ANKRD36C: variants seen among roughly 807,000 people sequenced by gnomAD.
The protein encoded by ANKRD36C is ankyrin repeat domain 36C, also known as ankyrin repeat domain-containing protein 36C.
In ANKRD36C, 61 loss-of-function variants were observed where a neutral mutation model predicts 276.4. The observed-to-expected ratio is 0.22, with a 90% CI of 0.18 to 0.27. The LOEUF (loss-of-function observed/expected upper bound fraction) is 0.27, where lower values mean the gene tolerates loss of function less well. ANKRD36C is among the 10% of genes least tolerant of loss of function. The pLI is 1.00. For synonymous variants in ANKRD36C, 483 were observed against 680.1 expected, an observed-to-expected ratio of 0.71 and a Z score of 4.51; for missense variants, 1,447 against 2,032.3, an observed-to-expected ratio of 0.71 and a Z score of 5.54.
intron 6 of ANKRD36C, among the ~76,000 whole-genome samples, chr2:95,970,953 G>A (rs1393692123): frequency 1.3e-5 from 2 of 152,022 alleles, no homozygotes; most frequent in African/African-American, 2.4e-5. Flanking sequence ...TGTGGCAAAT[G>A]TCTATATAAA....
At chr2:95,879,907 ATGG>A (rs1558624842) in intron 58 of ANKRD36C, among the ~76,000 whole-genome samples, 3 of 144,186 alleles carry the variant, frequency 2.1e-5, no homozygotes, top group African/African-American at 7.8e-5. Flanking sequence ...TAGGCCAGGC[ATGG>A]TGGTTCACAC....
Position 95,962,673 on chromosome 2 carries a change from A to G in ANKRD36C, c.800-126T>C, listed in dbSNP as rs1482158587. 6 of 1,265,222 alleles carry G rather than the reference A, an allele frequency of 4.7e-6. No individual in the cohort carries two copies. In the Admixed American group the frequency reaches 9.4e-5, roughly 20 times the overall value. 78.4% of individuals were successfully genotyped at this position (1,265,222 alleles called of 1,614,324 possible). Reference sequence around the variant, plus strand: ...ATTAGTTTAGGTTTTTATGTTTTATACTTTGTGTCTTGGGACTGGAACATG... The same window carrying G: ...ATTAGTTTAGGTTTTTATGTTTTATGCTTTGTGTCTTGGGACTGGAACATG... On this transcript the variant is annotated intron_variant, in intron 6 of 66. Coordinates refer to ENST00000456556, the Ensembl canonical transcript of ANKRD36C.
At chr2:95,957,325 T>TCATCATGCTCTTTGACTTGCCTGACAA (rs1678350886) in intron 12 of ANKRD36C, among the ~76,000 whole-genome samples, 1 of 152,308 alleles carries the variant, frequency 6.6e-6, no homozygotes, top group African/African-American at 2.4e-5. Flanking sequence ...CTACAAATAT[T>TCATCATGCTCTTTGACTTGCCTGACAA]CATCATGCTC....
intron 36 of ANKRD36C, 59 bp from the exon 39 acceptor site, chr2:95,916,230 C>T: frequency 6.3e-7 from 1 of 1,595,836 alleles, no homozygotes; most frequent in East Asian, 2.3e-5. Context: ...GTTATCCATA[C>T]ATTCACACAG....
chr2:95,858,283 T>C (rs1675472158), intron 61 of ANKRD36C, among the ~76,000 whole-genome samples: 1 of 152,214 alleles, frequency 6.6e-6, no homozygotes, highest in Non-Finnish European at 1.5e-5. Context: ...TTGTTGATAT[T>C]AGAAAATAAA....
chr2:95,921,738 A>G, intron 33 of ANKRD36C, 44 bp downstream of exon 33: 1 of 1,593,896 alleles, frequency 6.3e-7, no homozygotes, highest in Non-Finnish European at 8.5e-7. Flanking sequence ...TGTTTCATAG[A>G]CTATAGATTC....
At chr2:95,970,196 G>A (rs1236559121) in intron 6 of ANKRD36C, among the ~76,000 whole-genome samples, 1 of 152,162 alleles carries the variant, frequency 6.6e-6, no homozygotes, top group Non-Finnish European at 1.5e-5. Flanking sequence ...CTTTTCAGCT[G>A]CCAATGCAGA....
chr2:95,908,797 T>C lies in ANKRD36C; in HGVS notation c.2653+3447A>G, dbSNP rs533943593. On this transcript the variant is annotated intron_variant, in intron 42 of 66. Coordinates refer to ENST00000456556, the Ensembl canonical transcript of ANKRD36C. The stretch of plus-strand genomic sequence containing the variant: ...GCATCAACCTCTGTCCTCCTGCCTG[T>C]ATTAGCGTAGGCTTTGATGGCTTCT... 123 of 1,517,732 alleles carry C rather than the reference T, an allele frequency of 8.1e-5. 3 individuals are homozygous for C. The highest frequency in any genetic ancestry group is 2.6e-4 in the African/African-American group (19 of 72,056). The allele number at this position is 1,517,732 out of a possible 1,614,324, so 94.0% of individuals were successfully genotyped here.
In ANKRD36C at chr2:95,853,146, A is replaced by G. The variant is rs936656133; in HGVS notation, c.5148+563T>C. ...GAGACAGAGTGTGCTCTCTGAGCCCAATACAAAAGGAGTAACGATTTTCAT... is the reference window on the plus strand; with the variant it reads ...GAGACAGAGTGTGCTCTCTGAGCCCGATACAAAAGGAGTAACGATTTTCAT... On this transcript the variant is annotated intron_variant, in intron 64 of 66. Transcript: ENST00000456556. The G allele has an allele frequency of 2.6e-5, 4 of 153,794 alleles. No homozygotes were observed. In the Admixed American group the frequency reaches 2.6e-4, roughly 10 times the overall value. 9.5% of individuals were successfully genotyped at this position (153,794 alleles called of 1,614,324 possible).
Position 95,978,203 on chromosome 2 carries a change from T to C in ANKRD36C, c.732-14A>G, listed in dbSNP as rs1678852301. ...AGTTCAAAAATGCTATGCATAAAAA[T>C]AAATGAAATTAATATTTTAATACTA... On this transcript the variant is annotated splice_polypyrimidine_tract_variant and intron_variant, in intron 5 of 66. Transcript: ENST00000456556. 1 of 825,476 alleles carries C rather than the reference T, an allele frequency of 1.2e-6. No homozygotes were observed. Among genetic ancestry groups the C allele is most frequent in the Non-Finnish European group, 1.9e-6 (1 of 535,216 alleles). 51.1% of individuals were successfully genotyped at this position (825,476 alleles called of 1,614,324 possible). A position where few individuals can be genotyped will look rare whatever the true frequency, so the allele number is the denominator to read the frequency against.
In ANKRD36C at chr2:95,928,897, A is replaced by T. The variant is rs552130873; in HGVS notation, c.1837+175T>A. ...AGTCTACAATCTTACTACTCAGATCATGACCAAGGACCAGCAGCATCAGGG... is the reference window on the plus strand; with the variant it reads ...AGTCTACAATCTTACTACTCAGATCTTGACCAAGGACCAGCAGCATCAGGG... On this transcript the variant is annotated intron_variant, in intron 26 of 66. Transcript: ENST00000456556. Among the ~76,000 whole-genome samples, 27 of 151,612 alleles carry T rather than the reference A, an allele frequency of 1.8e-4. No homozygotes were observed. In the East Asian group the frequency reaches 4.9e-3, roughly 27 times the overall value.
intron 8 of ANKRD36C, among the ~76,000 whole-genome samples, chr2:95,961,919 C>G (rs1243584117): frequency 6.6e-6 from 1 of 151,978 alleles, no homozygotes; most frequent in Non-Finnish European, 1.5e-5. Context: ...AAAATAATTA[C>G]CACATCAGAG....
At chr2:95,991,315 A>G (rs1182560467) in intron 1 of ANKRD36C, among the ~76,000 whole-genome samples, 197 bp downstream of exon 1, 1 of 47,982 alleles carries the variant, frequency 2.1e-5, no homozygotes, top group Admixed American at 2.4e-4. Context: ...CCCCCAACTC[A>G]CTCCACACCC....
intron 60 of ANKRD36C, among the ~76,000 whole-genome samples, chr2:95,866,568 A>G (rs904512982): frequency 2.6e-4 from 39 of 152,094 alleles, no homozygotes; most frequent in African/African-American, 8.9e-4. Flanking sequence ...TGTACATTAA[A>G]CCCATAAGAA....
intron 16 of ANKRD36C, among the ~76,000 whole-genome samples, chr2:95,949,313 C>T (rs1026623203): frequency 6.6e-6 from 1 of 152,174 alleles, no homozygotes; most frequent in African/African-American, 2.4e-5. Flanking sequence ...TCCACAAAAA[C>T]CAGCAAGCTT....
chr2:95,910,298 C>T (rs865827908), intron 42 of ANKRD36C, 75 bp downstream of exon 46: 46 of 1,443,942 alleles, frequency 3.2e-5, no homozygotes, highest in African/African-American at 1.9e-4. Flanking sequence ...ACGAGCCACC[C>T]GCTGCTTTAT....
chr2:95,897,469 A>C lies in ANKRD36C; in HGVS notation c.2755+1676T>G, dbSNP rs1463592568. ...CCTGGTGGTTGCTCAGAAGACACTGAAAAGTAAAAGGGATTCATAATCACT... is the reference window on the plus strand; with the variant it reads ...CCTGGTGGTTGCTCAGAAGACACTGCAAAGTAAAAGGGATTCATAATCACT... On this transcript the variant is annotated intron_variant, in intron 44 of 66. Transcript: ENST00000456556. 26 of 1,525,746 alleles carry C rather than the reference A, an allele frequency of 1.7e-5. No homozygotes were observed. The African/African-American group carries it at 3.5e-4, about 20-fold the overall frequency. The allele number at this position is 1,525,746 out of a possible 1,614,324, so 94.5% of individuals were successfully genotyped here.
At chr2:95,892,297 G>T (rs904124383) in intron 44 of ANKRD36C, among the ~76,000 whole-genome samples, 1 of 151,458 alleles carries the variant, frequency 6.6e-6, no homozygotes, top group African/African-American at 2.4e-5. Flanking sequence ...TCTTTAACTT[G>T]CCCAGTTAAT....
chr2:95,908,357 C>G (rs574726477), intron 42 of ANKRD36C, 145 bp downstream of exon 48: 2 of 704,542 alleles, frequency 2.8e-6, no homozygotes, highest in African/African-American at 1.9e-5. Flanking sequence ...ATCATCATCA[C>G]CCAAGAACTT....
Sources: gnomAD v4.1 joint callset for allele counts (sites outside exome capture counted in the v4.1 genomes callset) on GRCh38, gnomAD v4.1.1 for gene constraint, MANE v1.5 for transcripts, NCBI Gene and HGNC (gene_info 2026-07-23, HGNC 2026-07-21) for gene names.